CIB1: variants seen among roughly 807,000 people sequenced by gnomAD.
The protein encoded by CIB1 is calcium and integrin-binding protein 1.
In CIB1, 19 loss-of-function variants were observed where a neutral mutation model predicts 25.0. The ratio of observed to expected loss-of-function variants is 0.76; its 90% CI spans 0.53 to 1.12. The LOEUF (loss-of-function observed/expected upper bound fraction) is 1.12, where lower values mean the gene tolerates loss of function less well. CIB1 is among the 50% of genes most tolerant of loss of function. The pLI is 0.00. For synonymous variants in CIB1, 104 were observed against 98.5 expected, an observed-to-expected ratio of 1.06 and a Z score of -0.33; for missense variants, 236 against 242.6, an observed-to-expected ratio of 0.97 and a Z score of 0.18.
chr15:90,257,280 T>A, the CIB1 span: 1 of 1,609,938 alleles, frequency 6.2e-7, no homozygotes, highest in Non-Finnish European at 8.5e-7. Context: ...CATAACAACC[T>A]GGTAAGGGGA....
chr15:90,265,728 A>C, the CIB1 span: 4 of 1,613,160 alleles, frequency 2.5e-6, no homozygotes, highest in Admixed American at 6.7e-5. Context: ...GGTTACCCTG[A>C]GTCTCTTGCT....
chr15:90,263,688 C>T, the CIB1 span: 2 of 618,270 alleles, frequency 3.2e-6, no homozygotes, highest in Non-Finnish European at 5.8e-6. Flanking sequence ...TCTTCCAACG[C>T]TCCATCCAAA....
At chr15:90,254,192 T>TGTTTG in the CIB1 span, among the ~76,000 whole-genome samples, 2 of 110,198 alleles carry the variant, frequency 1.8e-5, no homozygotes, top group Non-Finnish European at 3.5e-5. Context: ...GACCCTGTTT[T>TGTTTG]TTTTTTTTTT....
In CIB1 at chr15:90,230,489, G is replaced by A. The variant is rs1396102500; in HGVS notation, c.571C>T (p.Leu191=). Residue 191 remains leucine (L), a synonymous_variant, in exon 7 of 7, where the codon CTG becomes TTG. Transcript: ENST00000328649. ...GACACACGCTGGGGCTGCTGTCACA[G>A]GACAATCTTAAAGGAGCTGAACAAG... ...PDFASSFKIV[L] The A allele has an allele frequency of 1.3e-6, 2 of 1,551,690 alleles. No homozygotes were observed. The highest frequency in any genetic ancestry group is 1.7e-6 in the Non-Finnish European group (2 of 1,147,004).
At chr15:90,241,130 G>C in the CIB1 span, 1 of 1,614,154 alleles carries the variant, frequency 6.2e-7, no homozygotes, top group African/African-American at 1.3e-5. Context: ...TGGAGCTGGG[G>C]CTGTTTCGCT....
the CIB1 span, among the ~76,000 whole-genome samples, chr15:90,255,044 A>G: frequency 6.6e-6 from 1 of 152,228 alleles, no homozygotes; most frequent in Non-Finnish European, 1.5e-5. Context: ...GAGTGCGGCC[A>G]GTGATGGGGA....
chr15:90,241,556 CCT>C, the CIB1 span: 1 of 1,613,276 alleles, frequency 6.2e-7, no homozygotes, highest in Non-Finnish European at 8.5e-7. Flanking sequence ...CGGTGAACCA[CCT>C]CCACCTGCAT....
the CIB1 span, chr15:90,257,245 C>T: frequency 2.5e-6 from 4 of 1,614,032 alleles, no homozygotes; most frequent in Non-Finnish European, 3.4e-6. Context: ...CCCGTTTTGC[C>T]ACCACGCCCT....
chr15:90,251,597 A>G, the CIB1 span: 120 of 1,613,778 alleles, frequency 7.4e-5, 1 homozygote, highest in Non-Finnish European at 7.6e-5. Context: ...TGAGAGTGGT[A>G]AGCACCCAGC....
the CIB1 span, among the ~76,000 whole-genome samples, chr15:90,256,574 TTTC>T: frequency 2.4e-5 from 1 of 41,118 alleles, no homozygotes; most frequent in Non-Finnish European, 4.5e-5. Context: ...TCTTTCTTTC[TTTC>T]TTTCTTTCTT....
the CIB1 span, among the ~76,000 whole-genome samples, chr15:90,239,153 T>C: frequency 6.6e-6 from 1 of 152,206 alleles, no homozygotes; most frequent in Non-Finnish European, 1.5e-5. Flanking sequence ...TCCATCTATG[T>C]ATGAAAATGA....
At chr15:90,242,103 T>C in the CIB1 span, 1 of 1,519,596 alleles carries the variant, frequency 6.6e-7, no homozygotes, top group Non-Finnish European at 8.9e-7. Context: ...TTTTCTTTTC[T>C]TTTGAGATAG....
the CIB1 span, chr15:90,241,113 C>T: frequency 6.2e-7 from 1 of 1,614,038 alleles, no homozygotes; most frequent in East Asian, 2.2e-5. Context: ...TGCCTGGAAG[C>T]AGCGGGTGGA....
At position 90,233,690 on chromosome 15, in the gene CIB1, A is replaced by G. The variant is rs760145137; in HGVS notation, c.65T>C (p.Leu22Pro). The change falls in exon 2 of 7, where the codon CTG (leucine) becomes CCG (proline). Residue 22 changes from leucine to proline, a missense_variant. Coordinates refer to ENST00000328649, the MANE Select transcript of CIB1 (RefSeq NM_006384.4). The stretch of plus-strand genomic sequence containing the variant: ...TTACAGGAGGATCTCCTGCTTCGTC[A>G]GGAACGTCAAGTCCTGGAAGGCAAA... ...LLAEYQDLTF[L>P]TKQEILLAHR... The G allele has an allele frequency of 5.7e-6, 9 of 1,576,856 alleles. No homozygotes were observed. The South Asian group carries it at 1.0e-4, about 18-fold the overall frequency.
the CIB1 span, chr15:90,255,779 ACAGAAATCTGCCG>A: frequency 6.2e-7 from 1 of 1,614,152 alleles, no homozygotes; most frequent in East Asian, 2.2e-5. Context: ...CCCTGGCATG[ACAGAAATCTGCCG>A]CAAAGATCTG....
chr15:90,251,280 A>ATTTTTTTTTTTTT, the CIB1 span, among the ~76,000 whole-genome samples: 3 of 109,510 alleles, frequency 2.7e-5, no homozygotes, highest in South Asian at 3.4e-4. Flanking sequence ...CGCATGGCAA[A>ATTTTTTTTTTTTT]TTTTTTTTTT....
chr15:90,237,550 C>T (rs1962662172), upstream of CIB1, among the ~76,000 whole-genome samples: 1 of 152,092 alleles, frequency 6.6e-6, no homozygotes, highest in Non-Finnish European at 1.5e-5. Flanking sequence ...TCCCAATGTG[C>T]TGGTCCAGGG....
chr15:90,246,277 A>C, the CIB1 span, among the ~76,000 whole-genome samples: 1 of 151,966 alleles, frequency 6.6e-6, no homozygotes, highest in Middle Eastern at 3.2e-3. Context: ...CATCTCAAAA[A>C]AAAAATACAA....
upstream of CIB1, among the ~76,000 whole-genome samples, chr15:90,238,713 C>T (rs1962685960): frequency 6.6e-6 from 1 of 152,302 alleles, no homozygotes; most frequent in Admixed American, 6.5e-5. Context: ...GCCATCCTCA[C>T]CCAAATGTTT....
Sources: gnomAD v4.1 joint callset for allele counts (sites outside exome capture counted in the v4.1 genomes callset) on GRCh38, gnomAD v4.1.1 for gene constraint, MANE v1.5 for transcripts, NCBI Gene and HGNC (gene_info 2026-07-23, HGNC 2026-07-21) for gene names.